LTBP1: variants seen among roughly 807,000 people sequenced by gnomAD.
LTBP1 encodes latent-transforming growth factor beta-binding protein 1.
LTBP1 carries 129 observed loss-of-function variants against 207.6 expected under a neutral mutation model. The observed-to-expected ratio is 0.62, with a 90% CI of 0.54 to 0.72. The LOEUF (loss-of-function observed/expected upper bound fraction) is 0.72. Ranked by LOEUF, LTBP1 falls within the 30% of genes least tolerant of loss-of-function variation. LTBP1 has a pLI of 0.00. For synonymous variants in LTBP1, 963 were observed against 833.7 expected (o/e 1.16, Z -2.67); for missense variants, 2,281 against 2,217.2 (o/e 1.03, Z -0.58).
rs70938398 is a variant in LTBP1 at position 33,382,074 on chromosome 2, C to CTTTT, written c.4712-7075_4712-7072dup. Reference sequence around the variant, plus strand: ...TACAGCAGTTAGCGCCCTACTGCTTCTTTTTTTTTTTTTTTTTTTTTTTTT... The same window carrying CTTTT: ...TACAGCAGTTAGCGCCCTACTGCTTCTTTTTTTTTTTTTTTTTTTTTTTTTTTTT... On this transcript the variant is annotated intron_variant, in intron 31 of 33. Coordinates refer to ENST00000404816, the MANE Select transcript of LTBP1 (RefSeq NM_206943.4). Among the ~76,000 whole-genome samples the CTTTT allele has an allele frequency of 5.2e-3, 245 of 46,782 alleles. 96 individuals carry two copies. Among genetic ancestry groups the CTTTT allele is most frequent in the Non-Finnish European group, 7.7e-3 (193 of 24,954 alleles). The allele number at this position is 46,782 out of a possible 152,430, so 30.7% of individuals were successfully genotyped here.
At chr2:33,103,580 C>T (rs145337174) in intron 3 of LTBP1, among the ~76,000 whole-genome samples, 1,212 of 116,214 alleles carry the variant, frequency 0.01, 11 homozygotes, top group South Asian at 0.014. Flanking sequence ...TCCTTGTCTC[C>T]GTTTACGTGT....
chr2:33,082,059 C>G (rs1293072758), intron 3 of LTBP1, among the ~76,000 whole-genome samples: 1 of 152,184 alleles, frequency 6.6e-6, no homozygotes, highest in Non-Finnish European at 1.5e-5. Context: ...ACAATTGCCA[C>G]TGCAGCAGTC....
At chr2:33,098,323 T>C (rs2079510639) in intron 3 of LTBP1, among the ~76,000 whole-genome samples, 1 of 152,248 alleles carries the variant, frequency 6.6e-6, no homozygotes, top group African/African-American at 2.4e-5. Context: ...CAATTTGTCT[T>C]GTTATCACTT....
chr2:33,030,485 C>T (rs2075643315), intron 3 of LTBP1, among the ~76,000 whole-genome samples: 1 of 152,144 alleles, frequency 6.6e-6, no homozygotes, highest in East Asian at 1.9e-4. Context: ...AAAACCATTT[C>T]CGTGTAGTGA....
chr2:33,151,382 T>G (rs896812039), intron 5 of LTBP1, among the ~76,000 whole-genome samples: 3 of 152,150 alleles, frequency 2.0e-5, no homozygotes, highest in Non-Finnish European at 4.4e-5. Flanking sequence ...TGTGTGAGGG[T>G]TCCATTTTCT....
chr2:33,156,158 A>C lies in LTBP1; in HGVS notation c.1201+21198A>C, dbSNP rs758022485. Among the ~76,000 whole-genome samples the C allele has an allele frequency of 5.3e-5, 8 of 152,328 alleles. No homozygotes were observed. In the South Asian group the frequency reaches 1.7e-3, roughly 32 times the overall value. ...TGTATAATCATTTTAAAGGTGAGGAAACTAAGGCCCGAAGAGGTTAAGTCA... is the reference window on the plus strand; with the variant it reads ...TGTATAATCATTTTAAAGGTGAGGACACTAAGGCCCGAAGAGGTTAAGTCA... On this transcript the variant is annotated intron_variant, in intron 5 of 33. Coordinates refer to ENST00000404816, the MANE Select transcript of LTBP1 (RefSeq NM_206943.4).
rs544720595 is a variant in LTBP1 at position 32,969,479 on chromosome 2, G to GTTTAGCT, written c.565+20535_565+20536insTTAGCTT. On this transcript the variant is annotated intron_variant, in intron 2 of 33. Transcript: ENST00000404816. Reference sequence around the variant, plus strand: ...TTTTTGTTCTCTTCTTTATGTCCATGTGTACTTGATGTTTAGCTCCCACTT... The same window carrying GTTTAGCT: ...TTTTTGTTCTCTTCTTTATGTCCATGTTTAGCTTGTACTTGATGTTTAGCTCCCACTT... Among the ~76,000 whole-genome samples the GTTTAGCT allele has an allele frequency of 3.0e-3, 459 of 152,054 alleles. 1 individual carries two copies. Among genetic ancestry groups the GTTTAGCT allele is most frequent in the Middle Eastern group, 0.014 (4 of 294 alleles).
chr2:33,152,170 C>T (rs2083591376), intron 5 of LTBP1, among the ~76,000 whole-genome samples: 1 of 152,112 alleles, frequency 6.6e-6, no homozygotes, highest in African/African-American at 2.4e-5. Flanking sequence ...CTCTATACAT[C>T]TGACAAAGGA....
intron 13 of LTBP1, among the ~76,000 whole-genome samples, chr2:33,260,345 T>C (rs920574484): frequency 2.0e-5 from 3 of 152,218 alleles, no homozygotes; most frequent in African/African-American, 7.2e-5. Context: ...CGTTGCATTT[T>C]GAAATGGGAT....
intron 7 of LTBP1, among the ~76,000 whole-genome samples, chr2:33,208,552 GA>G (rs2090049563): frequency 6.6e-6 from 1 of 152,092 alleles, no homozygotes; most frequent in Non-Finnish European, 1.5e-5. Flanking sequence ...AGGGTATGAG[GA>G]TACCACCAGG....
rs146773470 is a variant in LTBP1, at chr2:33,151,732, C to T, written c.1201+16772C>T. ...TACGATGTTTGGTTTTCCATTCCTGCGTCACTTCACATAGAATAATAGTCT... is the reference window on the plus strand; with the variant it reads ...TACGATGTTTGGTTTTCCATTCCTGTGTCACTTCACATAGAATAATAGTCT... On this transcript the variant is annotated intron_variant, in intron 5 of 33. Coordinates refer to ENST00000404816, the MANE Select transcript of LTBP1 (RefSeq NM_206943.4). Among the ~76,000 whole-genome samples the T allele has an allele frequency of 2.4e-4, 36 of 152,062 alleles. No individual in the cohort carries two copies. In the East Asian group the frequency reaches 2.7e-3, roughly 11 times the overall value.
chr2:32,947,884 G>C (rs1282144209), intron 1 of LTBP1, 66 bp downstream of exon 1: 2 of 1,247,860 alleles, frequency 1.6e-6, no homozygotes, highest in Non-Finnish European at 2.0e-6. Context: ...GGGACCTGCG[G>C]GGTCAGGGCC....
chr2:32,964,038 C>T (rs1679556449), intron 2 of LTBP1, among the ~76,000 whole-genome samples: 1 of 152,220 alleles, frequency 6.6e-6, no homozygotes, highest in Non-Finnish European at 1.5e-5. Flanking sequence ...AAGCTCTTGT[C>T]TAGAGCATAC....
intron 29 of LTBP1, 103 bp from the exon 30 acceptor site, chr2:33,364,113 A>G (rs1574024715): frequency 1.8e-6 from 2 of 1,121,944 alleles, no homozygotes; most frequent in South Asian, 1.7e-5. Flanking sequence ...ATTTGGCAGC[A>G]CCTGGAATCT....
At chr2:33,176,815 G>GCA (rs1553440077) in intron 5 of LTBP1, among the ~76,000 whole-genome samples, 4 of 152,124 alleles carry the variant, frequency 2.6e-5, no homozygotes, top group Non-Finnish European at 5.9e-5. Context: ...TCGACACCTT[G>GCA]CACATCCCTT....
intron 2 of LTBP1, among the ~76,000 whole-genome samples, chr2:32,978,544 A>G (rs1682200384): frequency 6.6e-6 from 1 of 152,076 alleles, no homozygotes; most frequent in Non-Finnish European, 1.5e-5. Context: ...ACCCCGGGAT[A>G]AGTCCCACTT....
intron 7 of LTBP1, among the ~76,000 whole-genome samples, chr2:33,216,797 C>CT (rs2149359211): frequency 6.6e-6 from 1 of 152,298 alleles, no homozygotes; most frequent in South Asian, 2.1e-4. Flanking sequence ...TTGAGGTGGT[C>CT]TAACTTCAGG....
At chr2:33,142,734 C>T (rs949746483) in intron 5 of LTBP1, among the ~76,000 whole-genome samples, 23 of 152,152 alleles carry the variant, frequency 1.5e-4, no homozygotes, top group Admixed American at 2.0e-4. Flanking sequence ...AAGAGGGGTC[C>T]GTGGTTTGCC....
intron 32 of LTBP1, among the ~76,000 whole-genome samples, chr2:33,390,547 G>A (rs1308104694): frequency 1.3e-5 from 2 of 151,700 alleles, no homozygotes; most frequent in Non-Finnish European, 2.9e-5. Context: ...GGAGTGCAGT[G>A]CCATGATCAC....
Sources: gnomAD v4.1 joint callset for allele counts (sites outside exome capture counted in the v4.1 genomes callset) on GRCh38, gnomAD v4.1.1 for gene constraint, MANE v1.5 for transcripts, NCBI Gene and HGNC (gene_info 2026-07-23, HGNC 2026-07-21) for gene names.